The following DOCK8 variants were observed in gnomAD, a reference collection of about 807,000 sequenced individuals.
DOCK8 encodes the protein dedicator of cytokinesis protein 8.
DOCK8 carries 141 observed loss-of-function variants against 245.6 expected under a neutral mutation model. That is an observed-to-expected ratio of 0.57 (90% CI 0.50 to 0.66). DOCK8 has a LOEUF of 0.66. Ranked by LOEUF, DOCK8 falls within the 30% of genes least tolerant of loss-of-function variation. The probability of loss-of-function intolerance (pLI) is 0.00; values close to 1 mark genes in which losing one functional copy is unlikely to be tolerated. For synonymous variants in DOCK8, 1,168 were observed against 970.2 expected (o/e 1.20, Z -3.79); for missense variants, 2,965 against 2,603.4 (o/e 1.14, Z -3.02).
At chr9:281,910 A>AT (rs888246211) in intron 2 of DOCK8, among the ~76,000 whole-genome samples, 15 of 152,112 alleles carry the variant, frequency 9.9e-5, no homozygotes, top group Non-Finnish European at 1.8e-4. Context: ...GAGACGAACT[A>AT]TTCAATGTCA....
At chr9:449,585 A>G (rs563408219) in intron 44 of DOCK8, among the ~76,000 whole-genome samples, 199 bp from the exon 45 acceptor site, 7 of 152,336 alleles carry the variant, frequency 4.6e-5, no homozygotes, top group Admixed American at 3.9e-4. Context: ...AAATGTATGT[A>G]AAGTTCCTGG....
rs560232867 is a variant in DOCK8, at chr9:234,929, A to G, written c.53+19900A>G. Among the ~76,000 whole-genome samples the G allele has an allele frequency of 4.6e-5, 7 of 152,022 alleles. No individual in the cohort carries two copies. The South Asian group carries it at 1.5e-3, about 32-fold the overall frequency. ...GTCATTCTCCATCCAGCTTTGTTCC[A>G]TTGCTGGTGAGGAGCTGCGTTCCTT... is the stretch of plus-strand genomic sequence containing the variant. On this transcript the variant is annotated intron_variant, in intron 1 of 47. Transcript: ENST00000432829.
At chr9:219,890 C>G (rs548890965) in intron 1 of DOCK8, among the ~76,000 whole-genome samples, 1 of 151,848 alleles carries the variant, frequency 6.6e-6, no homozygotes, top group East Asian at 1.9e-4. Flanking sequence ...GAGCGAGACT[C>G]TATTTCAAAA....
chr9:399,380 T>A, intron 26 of DOCK8, 121 bp downstream of exon 26: 1 of 761,668 alleles, frequency 1.3e-6, no homozygotes, highest in Non-Finnish European at 2.3e-6. Context: ...ATCCTACACA[T>A]CCTGTGTTTT....
intron 43 of DOCK8, among the ~76,000 whole-genome samples, chr9:445,332 C>T (rs1321565443): frequency 6.6e-6 from 1 of 152,160 alleles, no homozygotes; most frequent in Non-Finnish European, 1.5e-5. Flanking sequence ...TATACTAAGT[C>T]GTGATTTACA....
At chr9:231,448 G>C (rs1368398104) in intron 1 of DOCK8, among the ~76,000 whole-genome samples, 139 of 152,162 alleles carry the variant, frequency 9.1e-4, no homozygotes, top group Non-Finnish European at 1.5e-5. Context: ...GAACGTCATT[G>C]GTAGCTTGAT....
chr9:425,395 G>A (rs10974359), intron 33 of DOCK8, among the ~76,000 whole-genome samples: 44,494 of 151,712 alleles, frequency 0.29, 6,960 homozygotes, highest in South Asian at 0.41. Context: ...AGCCGGGCGC[G>A]GTGGCGGGCG....
At chr9:310,509 A>C (rs1314063149) in intron 5 of DOCK8, among the ~76,000 whole-genome samples, 1 of 152,214 alleles carries the variant, frequency 6.6e-6, no homozygotes, top group African/African-American at 2.4e-5. Context: ...CCCAGGCTGG[A>C]GTACAGTGGC....
At chr9:358,265 C>T (rs974420119) in intron 14 of DOCK8, among the ~76,000 whole-genome samples, 2 of 151,858 alleles carry the variant, frequency 1.3e-5, no homozygotes, top group Admixed American at 6.6e-5. Flanking sequence ...AAAAAAAATT[C>T]TGTTGTACAG....
At chr9:447,794 G>C (rs1007895753) in intron 44 of DOCK8, among the ~76,000 whole-genome samples, 2 of 152,206 alleles carry the variant, frequency 1.3e-5, no homozygotes, top group Non-Finnish European at 2.9e-5. Flanking sequence ...GAGCTAACTG[G>C]AGAGTCATCC....
At chr9:249,537 C>T (rs1327828453) in intron 1 of DOCK8, among the ~76,000 whole-genome samples, 1 of 152,098 alleles carries the variant, frequency 6.6e-6, no homozygotes, top group African/African-American at 2.4e-5. Flanking sequence ...ACAATTCTTA[C>T]TCTTAGTTTA....
Position 340,590 on chromosome 9 carries a change from C to G in DOCK8, c.1679+269C>G, listed in dbSNP as rs184675026. ...GAGCCAAGATTGCACTACTGCACTC[C>G]AGCCTGGGAGACAGAACCAGACTCT... On this transcript the variant is annotated intron_variant, in intron 14 of 47. Coordinates refer to ENST00000432829, the MANE Select transcript of DOCK8 (RefSeq NM_203447.4). 179 of 363,648 alleles carry G rather than the reference C, an allele frequency of 4.9e-4. 1 individual carries two copies. The Middle Eastern group carries it at 5.2e-3, about 11-fold the overall frequency. The allele number at this position is 363,648 out of a possible 1,614,324, so 22.5% of individuals were successfully genotyped here.
chr9:400,084 A>T (rs1407642082), intron 26 of DOCK8, among the ~76,000 whole-genome samples: 54 of 107,666 alleles, frequency 5.0e-4, no homozygotes, highest in African/African-American at 1.7e-3. Context: ...CATCACCACC[A>T]CCTCCACCAT....
chr9:347,626 G>C (rs901790576), intron 14 of DOCK8, among the ~76,000 whole-genome samples: 1 of 152,218 alleles, frequency 6.6e-6, no homozygotes, highest in African/African-American at 2.4e-5. Flanking sequence ...AAACCATGTA[G>C]TTAGGAAGGG....
Position 314,168 on chromosome 9 carries a change from G to A in DOCK8, c.741+2002G>A, listed in dbSNP as rs568709750. ...GGACACATAACTGAAATCCAAATAT[G>A]ATATTTTTAAATATCATGTAACTTT... On this transcript the variant is annotated intron_variant, in intron 6 of 47. Coordinates refer to ENST00000432829, the MANE Select transcript of DOCK8 (RefSeq NM_203447.4). The A allele has an allele frequency of 3.9e-5, 6 of 152,302 alleles. No individual in the cohort carries two copies. In the East Asian group the frequency reaches 1.2e-3, roughly 29 times the overall value. 9.4% of individuals were successfully genotyped at this position (152,302 alleles called of 1,614,324 possible). A position where few individuals can be genotyped will look rare whatever the true frequency, so the allele number is the denominator to read the frequency against.
chr9:242,158 T>C (rs2047388933), intron 1 of DOCK8, among the ~76,000 whole-genome samples: 1 of 152,220 alleles, frequency 6.6e-6, no homozygotes, highest in East Asian at 1.9e-4. Flanking sequence ...TTATGTTATA[T>C]GGTTCGTAAA....
chr9:365,731 G>A (rs537125028), intron 14 of DOCK8: 2 of 434,252 alleles, frequency 4.6e-6, no homozygotes, highest in South Asian at 3.3e-5. Flanking sequence ...TCAAATCTCA[G>A]CTCTCTGCCT....
intron 9 of DOCK8, among the ~76,000 whole-genome samples, chr9:331,282 T>G (rs1298730107): frequency 6.6e-6 from 1 of 152,198 alleles, no homozygotes; most frequent in Non-Finnish European, 1.5e-5. Context: ...TGCTTATGTT[T>G]TCAGTGTGGT....
chr9:293,348 C>A (rs2049125074), intron 4 of DOCK8, among the ~76,000 whole-genome samples: 1 of 152,232 alleles, frequency 6.6e-6, no homozygotes, highest in Non-Finnish European at 1.5e-5. Flanking sequence ...ATCCAGTACA[C>A]TATTGCCAGA....
Sources: gnomAD v4.1 joint callset for allele counts (sites outside exome capture counted in the v4.1 genomes callset) on GRCh38, gnomAD v4.1.1 for gene constraint, MANE v1.5 for transcripts, NCBI Gene and HGNC (gene_info 2026-07-23, HGNC 2026-07-21) for gene names.